The following ZDHHC3 variants were observed in gnomAD, a reference collection of about 807,000 sequenced individuals.
ZDHHC3 encodes the protein zDHHC palmitoyltransferase 3.
Under a neutral mutation model 30.6 loss-of-function variants are expected in ZDHHC3, and 9 were observed. The observed-to-expected ratio is 0.29, with a 90% CI of 0.18 to 0.51. The LOEUF is 0.51. ZDHHC3 is among the 20% of genes least tolerant of loss of function. ZDHHC3 has a pLI of 0.97. For synonymous variants in ZDHHC3, 136 were observed against 140.2 expected (o/e 0.97, Z 0.21); for missense variants, 246 against 384.2 (o/e 0.64, Z 3.01).
rs1700362321 is a variant in ZDHHC3, at chr3:44,918,479, G to A, written c.*8210C>T. ...GATGATGGGCAGGGGCTAGGCTGAT[G>A]AGTGGCTGAGGCATAAGGGGGACCA... On this transcript the variant is annotated 3_prime_UTR_variant, in exon 7 of 7. Transcript: ENST00000424952. The A allele has an allele frequency of 3.0e-6, 3 of 985,336 alleles. No homozygotes were observed. The allele number at this position is 985,336 out of a possible 1,614,324, so 61.0% of individuals were successfully genotyped here. A position where few individuals can be genotyped will look rare whatever the true frequency, so the allele number is the denominator to read the frequency against.
chr3:44,939,423 C>T (rs1702251322), intron 3 of ZDHHC3, among the ~76,000 whole-genome samples: 2 of 152,214 alleles, frequency 1.3e-5, no homozygotes, highest in African/African-American at 4.8e-5. Context: ...CCTCAGGCAC[C>T]AGGTGCCATG....
chr3:44,971,337 C>G (rs1249287703), intron 1 of ZDHHC3, among the ~76,000 whole-genome samples: 1 of 152,218 alleles, frequency 6.6e-6, no homozygotes, highest in East Asian at 1.9e-4. Context: ...CCCATGCATT[C>G]CAAATGTATT....
chr3:44,948,736 C>T (rs1415433638), intron 2 of ZDHHC3, among the ~76,000 whole-genome samples: 2 of 152,256 alleles, frequency 1.3e-5, no homozygotes, highest in Non-Finnish European at 2.9e-5. Flanking sequence ...AGTTCAAGCA[C>T]GGTCCTAGAG....
At position 44,933,998 on chromosome 3, in the gene ZDHHC3, C is replaced by G. The variant is rs780421154; in HGVS notation, c.432-14G>C. 6.2e-7 allele frequency: 1 copy of G among 1,613,912 alleles called. No individual in the cohort carries two copies. The highest frequency in any genetic ancestry group is 8.5e-7 in the Non-Finnish European group (1 of 1,179,806). ...CGCTTACAAACACTGAAACAGCCCA[C>G]AGGTCAGACCTTTAGGGCATCCCCA... On this transcript the variant is annotated splice_polypyrimidine_tract_variant and intron_variant, in intron 3 of 6. Coordinates refer to ENST00000424952, the MANE Select transcript of ZDHHC3 (RefSeq NM_001135179.2).
In ZDHHC3 at chr3:44,924,522, A is replaced by C. The variant is rs955241942; in HGVS notation, c.*2167T>G. The C allele has an allele frequency of 2.6e-5, 26 of 985,362 alleles. No homozygotes were observed. The highest frequency in any genetic ancestry group is 3.5e-5 in the African/African-American group (2 of 57,254). 61.0% of individuals were successfully genotyped at this position (985,362 alleles called of 1,614,324 possible). A position where few individuals can be genotyped will look rare whatever the true frequency, so the allele number is the denominator to read the frequency against. On this transcript the variant is annotated 3_prime_UTR_variant, in exon 7 of 7. Coordinates refer to ENST00000424952, the MANE Select transcript of ZDHHC3 (RefSeq NM_001135179.2). ...CCCACTCTATTGGAAAGATAAGCAT[A>C]GTATGCACAGCTTTAAAGGAGGAGT... is the stretch of plus-strand genomic sequence containing the variant.
At chr3:44,939,724 C>T (rs1420130570) in intron 3 of ZDHHC3, among the ~76,000 whole-genome samples, 1 of 152,230 alleles carries the variant, frequency 6.6e-6, no homozygotes, top group Non-Finnish European at 1.5e-5. Flanking sequence ...TCCCTCTCCT[C>T]CCAGCCTCTC....
chr3:44,929,563 T>C, intron 5 of ZDHHC3, 127 bp from the exon 6 acceptor site: 6 of 1,260,872 alleles, frequency 4.8e-6, no homozygotes, highest in Non-Finnish European at 6.6e-6. Context: ...GTGCCATAGG[T>C]CTCTGGCCTC....
In ZDHHC3 at chr3:44,917,947, T is replaced by A; in HGVS notation, c.*8742A>T. The A allele has an allele frequency of 7.7e-7, 1 of 1,305,292 alleles. No individual in the cohort carries two copies. The highest frequency in any genetic ancestry group is 1.0e-6 in the Non-Finnish European group (1 of 988,960). 80.9% of individuals were successfully genotyped at this position (1,305,292 alleles called of 1,614,324 possible). Reference sequence around the variant, plus strand: ...CTCGTCCTTTGTCTCCTCTGATGGATCCTCCATTGTTTCGGTGTCTGACAG... The same window carrying A: ...CTCGTCCTTTGTCTCCTCTGATGGAACCTCCATTGTTTCGGTGTCTGACAG... On this transcript the variant is annotated 3_prime_UTR_variant, in exon 7 of 7. Transcript: ENST00000424952.
chr3:44,965,323 G>A (rs1462731279), intron 1 of ZDHHC3, among the ~76,000 whole-genome samples: 1 of 149,034 alleles, frequency 6.7e-6, no homozygotes, highest in Non-Finnish European at 1.5e-5. Flanking sequence ...AATATACTTA[G>A]TGAAGTGGAG....
Position 44,959,697 on chromosome 3 carries a change from T to A in ZDHHC3, c.-24-237A>T, listed in dbSNP as rs548383918. On this transcript the variant is annotated intron_variant, in intron 1 of 6. Transcript: ENST00000424952. The surrounding 1 kb of genome is among the most constrained non-coding windows in gnomAD (Gnocchi z 4.3). Reference sequence around the variant, plus strand: ...TAATAAAAAGGGAGCCTCTAAAGGGTAAATGCCTTGCCCAAGGTCAGCCAG... The same window carrying A: ...TAATAAAAAGGGAGCCTCTAAAGGGAAAATGCCTTGCCCAAGGTCAGCCAG... 6.6e-6 allele frequency among the ~76,000 whole-genome samples: 1 copy of A among 152,238 alleles called. No homozygotes were observed. Among genetic ancestry groups the A allele is most frequent in the Non-Finnish European group, 1.5e-5 (1 of 68,004 alleles).
chr3:44,962,289 A>G (rs533232989), intron 1 of ZDHHC3, among the ~76,000 whole-genome samples: 17 of 152,336 alleles, frequency 1.1e-4, no homozygotes, highest in Non-Finnish European at 2.4e-4. Context: ...CATTCATACA[A>G]TCAAGAATGA....
Position 44,919,223 on chromosome 3 carries a change from T to A in ZDHHC3, c.*7466A>T. The A allele has an allele frequency of 2.1e-6, 1 of 472,816 alleles. No individual in the cohort carries two copies. Among genetic ancestry groups the A allele is most frequent in the Non-Finnish European group, 2.8e-6 (1 of 363,344 alleles). 29.3% of individuals were successfully genotyped at this position (472,816 alleles called of 1,614,324 possible). On this transcript the variant is annotated 3_prime_UTR_variant, in exon 7 of 7. Transcript: ENST00000424952. ...CATTGCACGTACCACCTTCACCCAA[T>A]GATCAAAGTTAACATCACAATAATG...
In ZDHHC3 at chr3:44,920,048, G is replaced by C. The variant is rs1700483294; in HGVS notation, c.*6641C>G. ...ATTTGTCTGAGTGGTTACTTTTGGG[G>C]ATGGAATTCTAGAGGATTTGTATTT... On this transcript the variant is annotated 3_prime_UTR_variant, in exon 7 of 7. Transcript: ENST00000424952. 1.7e-6 allele frequency: 2 copies of C among 1,176,544 alleles called. No homozygotes were observed. Among genetic ancestry groups the C allele is most frequent in the Admixed American group, 3.6e-5 (1 of 27,508 alleles). The allele number at this position is 1,176,544 out of a possible 1,614,324, so 72.9% of individuals were successfully genotyped here.
At position 44,933,899 on chromosome 3, in the gene ZDHHC3, C is replaced by T. The variant is rs750368996; in HGVS notation, c.517G>A (p.Val173Ile). ...CVGENNQKYF[V>I]LFTMYIALIS... ...GCAAGCTGACTTACTGTAAACAGGA[C>T]GAAGTACTTCTGGTTGTTCTCGCCT... The change falls in exon 4 of 7, where the codon GTC becomes ATC. Residue 173 changes from valine (V) to isoleucine (I), a missense_variant. Physicochemically the swap from Val to Ile is conservative, Grantham distance 29 (BLOSUM62 3). Transcript: ENST00000424952. The T allele has an allele frequency of 6.2e-6, 10 of 1,614,136 alleles. No homozygotes were observed. Among genetic ancestry groups the T allele is most frequent in the South Asian group, 4.4e-5 (4 of 91,076 alleles).
intron 1 of ZDHHC3, among the ~76,000 whole-genome samples, chr3:44,973,074 G>A (rs1422531189): frequency 6.6e-6 from 1 of 152,186 alleles, no homozygotes; most frequent in Non-Finnish European, 1.5e-5. Flanking sequence ...CATCCCATCA[G>A]CACCACATTC....
chr3:44,955,455 TTTTATATA>T (rs966846291), intron 2 of ZDHHC3, among the ~76,000 whole-genome samples: 2 of 89,052 alleles, frequency 2.2e-5, no homozygotes, highest in African/African-American at 1.1e-4. Flanking sequence ...ACCACAAGGT[TTTTATATA>T]TATATATATA....
Position 44,945,311 on chromosome 3 carries a change from G to C in ZDHHC3, c.307-19C>G. 6 of 1,614,132 alleles carry C rather than the reference G, an allele frequency of 3.7e-6. No homozygotes were observed. The highest frequency in any genetic ancestry group is 5.1e-6 in the Non-Finnish European group (6 of 1,180,002). Reference sequence around the variant, plus strand: ...CTGCCCCCTGTAGGAAAGATGAAAGGTATCAGGGTTGGGCTGGGGGTTCTA... The same window carrying C: ...CTGCCCCCTGTAGGAAAGATGAAAGCTATCAGGGTTGGGCTGGGGGTTCTA... On this transcript the variant is annotated intron_variant, in intron 2 of 6. Coordinates refer to ENST00000424952, the MANE Select transcript of ZDHHC3 (RefSeq NM_001135179.2).
intron 3 of ZDHHC3, 125 bp downstream of exon 3, chr3:44,945,043 G>A: frequency 7.2e-7 from 1 of 1,392,008 alleles, no homozygotes; most frequent in South Asian, 1.3e-5. Context: ...GGGGACATTT[G>A]GAATCCCGAT....
At chr3:44,931,755 T>C (rs1422212403) in intron 5 of ZDHHC3, among the ~76,000 whole-genome samples, 2 of 152,150 alleles carry the variant, frequency 1.3e-5, no homozygotes, top group Non-Finnish European at 2.9e-5. Flanking sequence ...GGGCTAAAAA[T>C]CTTGCTCCAG....
Sources: allele counts gnomAD v4.1 joint callset (sites outside exome capture counted in the v4.1 genomes callset), GRCh38; gene constraint gnomAD v4.1.1; non-coding constraint Gnocchi (gnomAD v3.1); transcripts MANE v1.5; gene names NCBI Gene and HGNC (gene_info 2026-07-23, HGNC 2026-07-21).